Variants in WWTR1 observed in about 807,000 individuals in gnomAD.
WWTR1 encodes the protein WW domain-containing transcription regulator protein 1.
A neutral mutation model predicts 40.1 loss-of-function variants in WWTR1; 13 were observed. That is an observed-to-expected ratio of 0.32 (90% CI 0.21 to 0.52). The LOEUF is 0.52. Among genes scored for constraint, WWTR1 ranks in the 20% least tolerant of loss-of-function variants. WWTR1 has a pLI of 0.97. For missense variants in WWTR1, 436 were observed against 523.1 expected (o/e 0.83, Z 1.63); for synonymous variants, 230 against 210.1 (o/e 1.09, Z -0.82).
chr3:149,573,039 C>T (rs1322585448), intron 2 of WWTR1, 39 bp from the exon 3 acceptor site: 1 of 1,548,752 alleles, frequency 6.5e-7, no homozygotes, highest in Non-Finnish European at 8.7e-7. Context: ...TTTTAATTGT[C>T]AGCATCATTA....
chr3:149,602,862 G>A (rs1222532803), intron 2 of WWTR1, among the ~76,000 whole-genome samples: 1 of 152,142 alleles, frequency 6.6e-6, no homozygotes, highest in African/African-American at 2.4e-5. Flanking sequence ...GTTTCACCAT[G>A]TTGGCCAGGC....
intron 2 of WWTR1, among the ~76,000 whole-genome samples, chr3:149,632,426 C>T (rs879698766): frequency 6.6e-6 from 1 of 152,062 alleles, no homozygotes; most frequent in Non-Finnish European, 1.5e-5. Flanking sequence ...CAAACCAGTA[C>T]GTCTGATTAC....
intron 3 of WWTR1, among the ~76,000 whole-genome samples, chr3:149,546,962 T>C (rs1438354004): frequency 6.6e-6 from 1 of 152,114 alleles, no homozygotes; most frequent in African/African-American, 2.4e-5. Context: ...ACCATTCACC[T>C]TGCCACTATG....
At chr3:149,703,875 G>A (rs1371425435), upstream of WWTR1, among the ~76,000 whole-genome samples, 1 of 152,194 alleles carries the variant, frequency 6.6e-6, no homozygotes, top group African/African-American at 2.4e-5. Context: ...AGAAGCAGAT[G>A]CTGGCGCATG....
In WWTR1 at chr3:149,517,377, T is replaced by G. The variant is rs190552168; in HGVS notation, c.*3428A>C. On this transcript the variant is annotated 3_prime_UTR_variant, in exon 7 of 7. Coordinates refer to ENST00000360632, the MANE Select transcript of WWTR1 (RefSeq NM_015472.6). ...AACATTCTAAACTTAAAATAGAAAT[T>G]TTTATATTACAAAACGTAGAAGTAA... 198 of 152,334 alleles carry G rather than the reference T, an allele frequency of 1.3e-3. No homozygotes were observed. Among genetic ancestry groups the G allele is most frequent in the Non-Finnish European group, 1.6e-3 (112 of 68,020 alleles). The allele number at this position is 152,334 out of a possible 1,614,324, so 9.4% of individuals were successfully genotyped here. A position where few individuals can be genotyped will look rare whatever the true frequency, so the allele number is the denominator to read the frequency against.
intron 2 of WWTR1, among the ~76,000 whole-genome samples, chr3:149,622,510 AAAGAAAGAAAG>A (rs1433939189): frequency 1.1e-4 from 12 of 113,562 alleles, no homozygotes; most frequent in African/African-American, 4.0e-4. Flanking sequence ...AGGAAGAAAG[AAAGAAAGAAAG>A]AAAGAAAGAA....
chr3:149,636,417 C>T (rs924404820), intron 2 of WWTR1, among the ~76,000 whole-genome samples: 1 of 152,124 alleles, frequency 6.6e-6, no homozygotes, highest in Non-Finnish European at 1.5e-5. Flanking sequence ...TTTCCACCAT[C>T]AAGTGGAATG....
At chr3:149,618,870 C>T (rs375188199) in intron 2 of WWTR1, among the ~76,000 whole-genome samples, 5 of 152,122 alleles carry the variant, frequency 3.3e-5, no homozygotes, top group East Asian at 3.9e-4. Flanking sequence ...TCTCCTCCCC[C>T]CTCCCCACCA....
chr3:149,646,356 C>G (rs1368470505), intron 2 of WWTR1, among the ~76,000 whole-genome samples: 1 of 152,188 alleles, frequency 6.6e-6, no homozygotes. Flanking sequence ...TGTGACTCAC[C>G]ACACAAGAGT....
intron 4 of WWTR1, among the ~76,000 whole-genome samples, chr3:149,536,814 T>G (rs1735862878): frequency 6.6e-6 from 1 of 151,294 alleles, no homozygotes. Flanking sequence ...GAATTTGCTT[T>G]GGGAATAATG....
chr3:149,593,448 A>G (rs1449362364), intron 2 of WWTR1, among the ~76,000 whole-genome samples: 6 of 151,524 alleles, frequency 4.0e-5, no homozygotes, highest in Admixed American at 2.6e-4. Context: ...AGGAGATTTC[A>G]GAAATATTTG....
chr3:149,653,128 G>A (rs1040693037), intron 2 of WWTR1, among the ~76,000 whole-genome samples: 2 of 152,168 alleles, frequency 1.3e-5, no homozygotes, highest in East Asian at 1.9e-4. Context: ...ATAAAATCAC[G>A]TTACTCAAAT....
In WWTR1 at chr3:149,572,987, T is replaced by C. The variant is rs1330146405; in HGVS notation, c.445A>G (p.Ile149Val). 1 of 1,590,102 alleles carries C rather than the reference T, an allele frequency of 6.3e-7. No homozygotes were observed. Among genetic ancestry groups the C allele is most frequent in the East Asian group, 2.2e-5 (1 of 44,762 alleles). Residue 149 changes from isoleucine to valine, a missense_variant, in exon 3 of 7, where the codon ATC becomes GTC. Transcript: ENST00000360632. ...QRYFLNHIEK[I>V]TTWQDPRKAM... ...TTCCTAGGGTCTTGCCATGTGGTGA[T>C]TTTTTCTATGTGACTAAAAGAAGGA...
At chr3:149,601,710 ATTTT>A (rs3976504) in intron 2 of WWTR1, among the ~76,000 whole-genome samples, 2 of 150,660 alleles carry the variant, frequency 1.3e-5, no homozygotes, top group Non-Finnish European at 3.0e-5. Context: ...GAAAAAAATT[ATTTT>A]TTTTTTTTAC....
intron 5 of WWTR1, among the ~76,000 whole-genome samples, chr3:149,713,680 C>A (rs1715528572): frequency 6.6e-6 from 1 of 152,240 alleles, no homozygotes; most frequent in Non-Finnish European, 1.5e-5. Flanking sequence ...AGCGCCCGTC[C>A]TACGTCTTGA....
intron 5 of WWTR1, among the ~76,000 whole-genome samples, chr3:149,711,192 G>A (rs1313821823): frequency 2.7e-5 from 4 of 149,632 alleles, no homozygotes; most frequent in Admixed American, 2.7e-4. Flanking sequence ...GAGGCTGGAT[G>A]TGGTTGCTTG....
intron 5 of WWTR1, among the ~76,000 whole-genome samples, chr3:149,526,986 C>A (rs932670282): frequency 3.9e-5 from 6 of 152,148 alleles, no homozygotes; most frequent in Non-Finnish European, 7.3e-5. Context: ...GAAGACGCAA[C>A]AAGAGTACAG....
intron 1 of WWTR1, among the ~76,000 whole-genome samples, chr3:149,696,709 T>C (rs1715003953): frequency 6.6e-6 from 1 of 152,190 alleles, no homozygotes; most frequent in Admixed American, 6.5e-5. Context: ...CTGCTATGGG[T>C]TCTCCCCTGT....
At chr3:149,548,131 A>G (rs993939248) in intron 3 of WWTR1, among the ~76,000 whole-genome samples, 1 of 152,120 alleles carries the variant, frequency 6.6e-6, no homozygotes, top group Admixed American at 6.6e-5. Context: ...ACACTTGGTC[A>G]TTTCTACAAA....
Sources: allele counts gnomAD v4.1 joint callset (sites outside exome capture counted in the v4.1 genomes callset), GRCh38; gene constraint gnomAD v4.1.1; transcripts MANE v1.5; gene names NCBI Gene and HGNC (gene_info 2026-07-23, HGNC 2026-07-21).